LIPC: variants seen among roughly 807,000 people sequenced by gnomAD.
LIPC encodes hepatic triacylglycerol lipase.
Under a neutral mutation model 50.7 loss-of-function variants are expected in LIPC, and 44 were observed. That is an observed-to-expected ratio of 0.87 (90% CI 0.68 to 1.11). The LOEUF (loss-of-function observed/expected upper bound fraction) is 1.11. Ranked by LOEUF, LIPC falls within the 50% of genes most tolerant of loss-of-function variation. The probability of loss-of-function intolerance (pLI) is 0.00; values close to 1 mark genes in which losing one functional copy is unlikely to be tolerated. For synonymous variants in LIPC, 271 were observed against 256.4 expected, an observed-to-expected ratio of 1.06 and a Z score of -0.54; for missense variants, 697 against 648.2, an observed-to-expected ratio of 1.08 and a Z score of -0.82.
intron 1 of LIPC, among the ~76,000 whole-genome samples, chr15:58,534,767 A>T (rs778224377): frequency 6.6e-6 from 1 of 152,234 alleles, no homozygotes; most frequent in Non-Finnish European, 1.5e-5. Flanking sequence ...CATCTTCAGC[A>T]GCCTTATAAG....
chr15:58,449,335 C>T (rs1893818902), intron 1 of LIPC, among the ~76,000 whole-genome samples: 1 of 152,172 alleles, frequency 6.6e-6, no homozygotes, highest in Admixed American at 6.5e-5. Flanking sequence ...AGCAGAGGTG[C>T]ATCTCTCTCC....
chr15:58,485,859 G>A (rs764040476), intron 1 of LIPC, among the ~76,000 whole-genome samples: 15 of 152,310 alleles, frequency 9.8e-5, no homozygotes, highest in Admixed American at 3.3e-4. Context: ...TGTAGATTAC[G>A]GTTGAGAACA....
intron 1 of LIPC, among the ~76,000 whole-genome samples, chr15:58,488,984 C>A (rs532688810): frequency 6.6e-6 from 1 of 152,208 alleles, no homozygotes; most frequent in African/African-American, 2.4e-5. Flanking sequence ...CTTAATAAAG[C>A]TGTCTGTGAG....
chr15:58,456,778 C>T (rs190207321), intron 1 of LIPC, among the ~76,000 whole-genome samples: 8 of 152,354 alleles, frequency 5.3e-5, no homozygotes, highest in Admixed American at 5.2e-4. Flanking sequence ...AACGAGAGGT[C>T]CTCTGTCTTT....
intron 1 of LIPC, among the ~76,000 whole-genome samples, chr15:58,475,233 A>ACAGGC (rs1386390298): frequency 6.6e-6 from 1 of 152,120 alleles, no homozygotes; most frequent in Non-Finnish European, 1.5e-5. Flanking sequence ...TCCCACAACA[A>ACAGGC]CAGGCTTGAA....
intron 1 of LIPC, among the ~76,000 whole-genome samples, chr15:58,520,112 G>GTTTTTTTTTT (rs10631480): frequency 1.1e-4 from 13 of 123,466 alleles, no homozygotes; most frequent in Non-Finnish European, 2.0e-4. Flanking sequence ...GTTTTGGGCT[G>GTTTTTTTTTT]TTTTTTTTTT....
chr15:58,555,923 T>G (rs1484742685), intron 6 of LIPC, among the ~76,000 whole-genome samples: 1 of 152,062 alleles, frequency 6.6e-6, no homozygotes, highest in East Asian at 1.9e-4. Context: ...CTAGTGCCTC[T>G]CCCTCCAGTG....
intron 1 of LIPC, among the ~76,000 whole-genome samples, chr15:58,532,427 G>A (rs1256165391): frequency 1.3e-5 from 2 of 152,210 alleles, no homozygotes; most frequent in Non-Finnish European, 2.9e-5. Flanking sequence ...GGCCTGGAGA[G>A]TTTTCAGGGC....
intron 1 of LIPC, among the ~76,000 whole-genome samples, chr15:58,504,862 A>G (rs751368942): frequency 2.0e-5 from 3 of 152,174 alleles, no homozygotes; most frequent in Admixed American, 6.5e-5. Context: ...AGAGCTGCGC[A>G]TGCTGTACCC....
intron 7 of LIPC, 101 bp downstream of exon 7, chr15:58,561,082 A>G (rs1323097268): frequency 2.6e-6 from 2 of 770,098 alleles, no homozygotes; most frequent in African/African-American, 3.4e-5. Flanking sequence ...AGCTACAACT[A>G]CTTTATTCCA....
At chr15:58,441,647 G>A (rs962134047) in intron 1 of LIPC, among the ~76,000 whole-genome samples, 1 of 152,210 alleles carries the variant, frequency 6.6e-6, no homozygotes. Context: ...GTCTAAGGAA[G>A]GGGTGGAAAG....
chr15:58,496,743 C>CAAAAAAAAAAAACAAAAAAAAA (rs1891778898), intron 1 of LIPC, among the ~76,000 whole-genome samples: 1 of 114,180 alleles, frequency 8.8e-6, no homozygotes, highest in Non-Finnish European at 1.8e-5. Context: ...TCTTCCCCCT[C>CAAAAAAAAAAAACAAAAAAAAA]AAAAAAAAAA....
intron 1 of LIPC, among the ~76,000 whole-genome samples, chr15:58,450,871 G>A (rs1431318886): frequency 6.6e-6 from 1 of 152,308 alleles, no homozygotes; most frequent in African/African-American, 2.4e-5. Flanking sequence ...CTGGGCCCAG[G>A]GCAATAAAGG....
chr15:58,535,453 A>G (rs1433701596), intron 1 of LIPC, among the ~76,000 whole-genome samples: 1 of 152,264 alleles, frequency 6.6e-6, no homozygotes, highest in East Asian at 1.9e-4. Context: ...GGCCCTGTTC[A>G]GTCCAGTTGT....
At position 58,485,741 on chromosome 15, in the gene LIPC, C is replaced by T. The variant is rs184550079; in HGVS notation, c.89-52592C>T. Among the ~76,000 whole-genome samples, 10 of 152,198 alleles carry T rather than the reference C, an allele frequency of 6.6e-5. No homozygotes were observed. The East Asian group carries it at 1.5e-3, about 23-fold the overall frequency. ...GCTGCCCTGTCATTTGTGGCATAAG[C>T]GAGAGAGCCCACTGACATCCCAGCG... On this transcript the variant is annotated intron_variant, in intron 1 of 8. Transcript: ENST00000299022.
intron 1 of LIPC, among the ~76,000 whole-genome samples, chr15:58,524,344 T>A (rs1244747115): frequency 5.3e-5 from 8 of 152,266 alleles, no homozygotes; most frequent in Admixed American, 5.2e-4. Context: ...AGACACTAGA[T>A]GGACACTTGG....
chr15:58,460,944 G>C (rs1476057166), intron 1 of LIPC, among the ~76,000 whole-genome samples: 1 of 152,118 alleles, frequency 6.6e-6, no homozygotes, highest in Non-Finnish European at 1.5e-5. Context: ...TTTGACCAAG[G>C]GACTGACCCG....
At position 58,565,102 on chromosome 15, in the gene LIPC, C is replaced by T. The variant is rs115464904; in HGVS notation, c.1388+1379C>T. On this transcript the variant is annotated intron_variant, in intron 8 of 8. Coordinates refer to ENST00000299022, the MANE Select transcript of LIPC (RefSeq NM_000236.3). Reference sequence around the variant, plus strand: ...ATGCCCCTGAGTCCCTTTATACAACCGCACTCTGAGATTTTATCTCCCTGG... The same window carrying T: ...ATGCCCCTGAGTCCCTTTATACAACTGCACTCTGAGATTTTATCTCCCTGG... 5,355 of 1,214,310 alleles carry T rather than the reference C, an allele frequency of 4.4e-3. 99 individuals carry two copies. The African/African-American group carries it at 0.053, about 12-fold the overall frequency. The allele number at this position is 1,214,310 out of a possible 1,614,324, so 75.2% of individuals were successfully genotyped here. A position where few individuals can be genotyped will look rare whatever the true frequency, so the allele number is the denominator to read the frequency against.
intron 2 of LIPC, 106 bp from the exon 3 acceptor site, chr15:58,541,679 C>A: frequency 2.6e-6 from 3 of 1,165,490 alleles, no homozygotes; most frequent in Non-Finnish European, 3.7e-6. Context: ...GGCTGAGAAA[C>A]GTCATAGCAA....
Sources: gnomAD v4.1 joint callset for allele counts (sites outside exome capture counted in the v4.1 genomes callset) on GRCh38, gnomAD v4.1.1 for gene constraint, MANE v1.5 for transcripts, NCBI Gene and HGNC (gene_info 2026-07-23, HGNC 2026-07-21) for gene names.